Variants in MACROD2 observed in about 807,000 individuals in gnomAD.
MACROD2 encodes ADP-ribose glycohydrolase MACROD2.
A neutral mutation model predicts 70.4 loss-of-function variants in MACROD2; 36 were observed. The observed-to-expected ratio is 0.51, with a 90% CI of 0.39 to 0.68. The LOEUF (loss-of-function observed/expected upper bound fraction) is 0.68. Among genes scored for constraint, MACROD2 ranks in the 30% least tolerant of loss-of-function variants. MACROD2 has a pLI of 0.00. For missense variants in MACROD2, 496 were observed against 538.4 expected (o/e 0.92, Z 0.78); for synonymous variants, 172 against 178.8 (o/e 0.96, Z 0.30).
intron 5 of MACROD2, among the ~76,000 whole-genome samples, chr20:14,895,995 A>T (rs2122529329): frequency 6.6e-6 from 1 of 152,336 alleles, no homozygotes; most frequent in South Asian, 2.1e-4. Flanking sequence ...GGTCAATTCA[A>T]CAAGTAACAT....
chr20:14,965,952 A>G (rs1481285285), intron 5 of MACROD2, among the ~76,000 whole-genome samples: 1 of 152,182 alleles, frequency 6.6e-6, no homozygotes, highest in East Asian at 1.9e-4. Flanking sequence ...CAGTTGAAAA[A>G]TATGACTACT....
chr20:15,918,853 A>T (rs921140444), intron 10 of MACROD2, among the ~76,000 whole-genome samples: 2 of 152,112 alleles, frequency 1.3e-5, no homozygotes, highest in African/African-American at 2.4e-5. Context: ...CTGTTTAGGG[A>T]GGAAGGGGCT....
intron 8 of MACROD2, among the ~76,000 whole-genome samples, chr20:15,662,501 T>C (rs917694384): frequency 1.1e-4 from 16 of 152,308 alleles, no homozygotes; most frequent in African/African-American, 3.1e-4. Context: ...TTTATTCTAC[T>C]CTTGTCTCTT....
intron 7 of MACROD2, among the ~76,000 whole-genome samples, chr20:15,455,456 A>G (rs1265672669): frequency 6.6e-6 from 1 of 152,194 alleles, no homozygotes; most frequent in African/African-American, 2.4e-5. Context: ...GCAACCCAGA[A>G]CATTCAACAA....
At chr20:15,754,124 G>A (rs2051311917) in intron 8 of MACROD2, among the ~76,000 whole-genome samples, 1 of 152,138 alleles carries the variant, frequency 6.6e-6, no homozygotes, top group Non-Finnish European at 1.5e-5. Context: ...ATCTATCTTA[G>A]TGCTACAGGC....
At chr20:15,446,661 C>G (rs537979016) in intron 7 of MACROD2, among the ~76,000 whole-genome samples, 3 of 152,286 alleles carry the variant, frequency 2.0e-5, no homozygotes, top group South Asian at 2.1e-4. Context: ...AAGTGATCAC[C>G]GGCAGCTCAG....
At chr20:14,395,046 T>C (rs1262237502) in intron 3 of MACROD2, among the ~76,000 whole-genome samples, 1 of 152,092 alleles carries the variant, frequency 6.6e-6, no homozygotes, top group Non-Finnish European at 1.5e-5. Context: ...TAAAGCTTTC[T>C]TTTTTTAAAT....
chr20:15,485,697 G>A (rs139460482), intron 7 of MACROD2, among the ~76,000 whole-genome samples: 61 of 152,120 alleles, frequency 4.0e-4, no homozygotes, highest in African/African-American at 1.2e-3. Context: ...CCTGTCATTC[G>A]TCAAACACTT....
intron 6 of MACROD2, among the ~76,000 whole-genome samples, chr20:15,237,589 G>C (rs879867104): frequency 1.3e-5 from 2 of 152,048 alleles, no homozygotes; most frequent in Admixed American, 1.3e-4. Context: ...TTGTGTGCAC[G>C]TGCTTTCTAT....
intron 5 of MACROD2, among the ~76,000 whole-genome samples, chr20:15,075,966 A>G (rs1383795323): frequency 6.6e-6 from 1 of 152,190 alleles, no homozygotes; most frequent in African/African-American, 2.4e-5. Flanking sequence ...TATCTTTATG[A>G]CAGTAACTTT....
intron 3 of MACROD2, among the ~76,000 whole-genome samples, chr20:14,416,054 C>T (rs926495811): frequency 6.6e-6 from 1 of 151,416 alleles, no homozygotes; most frequent in Non-Finnish European, 1.5e-5. Flanking sequence ...CGACTCCCTG[C>T]TTCAAGTGAT....
At chr20:15,748,210 T>C (rs979157221) in intron 8 of MACROD2, among the ~76,000 whole-genome samples, 3 of 152,126 alleles carry the variant, frequency 2.0e-5, no homozygotes, top group African/African-American at 7.2e-5. Context: ...ATATACCTCC[T>C]ACAAAGAATG....
intron 4 of MACROD2, among the ~76,000 whole-genome samples, chr20:14,679,020 G>A (rs1399002521): frequency 6.6e-6 from 1 of 151,620 alleles, no homozygotes; most frequent in Non-Finnish European, 1.5e-5. Flanking sequence ...GTATTAAGCA[G>A]TTACAGAGTC....
intron 2 of MACROD2, among the ~76,000 whole-genome samples, chr20:14,075,770 T>C (rs1016157757): frequency 6.6e-6 from 1 of 152,160 alleles, no homozygotes; most frequent in Non-Finnish European, 1.5e-5. Flanking sequence ...CTGTCCCTCG[T>C]TGAAGGTTTT....
rs369141366 is a variant in MACROD2, at chr20:15,770,041, C to T, written c.646-92704C>T. On this transcript the variant is annotated intron_variant, in intron 8 of 17. Transcript: ENST00000684519. ...GTTTTGCATCTGAAGGAAAGGAATGCTAGGTTTTCTTGCCCATAAATTTAT... is the reference window on the plus strand; with the variant it reads ...GTTTTGCATCTGAAGGAAAGGAATGTTAGGTTTTCTTGCCCATAAATTTAT... Among the ~76,000 whole-genome samples, 23 of 148,194 alleles carry T rather than the reference C, an allele frequency of 1.6e-4. No individual in the cohort carries two copies. In the South Asian group the frequency reaches 4.8e-3, roughly 31 times the overall value.
At chr20:16,012,520 C>T (rs2066877066) in intron 15 of MACROD2, among the ~76,000 whole-genome samples, 1 of 152,228 alleles carries the variant, frequency 6.6e-6, no homozygotes, top group East Asian at 1.9e-4. Flanking sequence ...AAATCCTTCT[C>T]TACAGTCCTC....
At chr20:15,359,957 A>G (rs1406623995) in intron 6 of MACROD2, among the ~76,000 whole-genome samples, 3 of 152,158 alleles carry the variant, frequency 2.0e-5, no homozygotes, top group African/African-American at 7.2e-5. Flanking sequence ...GAACCATTAC[A>G]TTACCACCAG....
Position 15,267,234 on chromosome 20 carries a change from T to C in MACROD2, c.540+37173T>C, listed in dbSNP as rs564534830. ...ATAACTTTGCTTCAGAGGTCACCTC[T>C]CTCCAGAAGACTTTCCCAAGTCTCA... is the stretch of plus-strand genomic sequence containing the variant. On this transcript the variant is annotated intron_variant, in intron 6 of 17. Transcript: ENST00000684519. 2.0e-5 allele frequency among the ~76,000 whole-genome samples: 3 copies of C among 152,260 alleles called. No individual in the cohort carries two copies. In the South Asian group the frequency reaches 6.2e-4, roughly 32 times the overall value.
At position 14,326,245 on chromosome 20, in the gene MACROD2, T is replaced by C; in HGVS notation, c.272-167234T>C. ...AAGTTTCCAAGAGATATGAATGGTA[T>C]CAGAGGTGACAGACTTCACAGTAAT... On this transcript the variant is annotated intron_variant, in intron 3 of 17. Coordinates refer to ENST00000684519, the MANE Select transcript of MACROD2 (RefSeq NM_001351661.2). The surrounding 1 kb of genome is among the most constrained non-coding windows in gnomAD (Gnocchi z 5.5). 1 of 1,613,936 alleles carries C rather than the reference T, an allele frequency of 6.2e-7. No homozygotes were observed. Among genetic ancestry groups the C allele is most frequent in the Admixed American group, 1.7e-5 (1 of 59,998 alleles).
Sources: allele counts gnomAD v4.1 joint callset (sites outside exome capture counted in the v4.1 genomes callset), GRCh38; gene constraint gnomAD v4.1.1; non-coding constraint Gnocchi (gnomAD v3.1); transcripts MANE v1.5; gene names NCBI Gene and HGNC (gene_info 2026-07-23, HGNC 2026-07-21).